The following SHE variants were observed in gnomAD, a reference collection of about 807,000 sequenced individuals.
The protein encoded by SHE is SH2 domain-containing adapter protein E.
Under a neutral mutation model 49.8 loss-of-function variants are expected in SHE, and 11 were observed. The ratio of observed to expected loss-of-function variants is 0.22; its 90% CI spans 0.14 to 0.37. SHE has a LOEUF of 0.37. SHE is among the 10% of genes least tolerant of loss of function. The pLI is 1.00. For synonymous variants in SHE, 310 were observed against 278.1 expected (o/e 1.11, Z -1.14); for missense variants, 624 against 655.5 (o/e 0.95, Z 0.52).
At position 154,489,194 on chromosome 1, in the gene SHE, T is replaced by C. The variant is rs774854528; in HGVS notation, c.881A>G (p.Tyr294Cys). 40 of 1,613,990 alleles carry C rather than the reference T, an allele frequency of 2.5e-5. No individual in the cohort carries two copies. The African/African-American group carries it at 4.3e-4, about 17-fold the overall frequency. Residue 294 changes from tyrosine to cysteine, a missense_variant, in exon 3 of 6, where the codon TAC (tyrosine) becomes TGC (cysteine). By Grantham distance (194) the Tyr-to-Cys change is radical. Transcript: ENST00000304760. ...GKPPQLYDTP[Y>C]EPAEGGPRAE... ...CCTGGGCCCCCCTTCTGCAGGCTCG[T>C]AGGGAGTGTCGTATAGCTGTGGCGG...
chr1:154,474,820 G>A (rs1258936768), downstream of SHE, among the ~76,000 whole-genome samples: 1 of 152,012 alleles, frequency 6.6e-6, no homozygotes, highest in Non-Finnish European at 1.5e-5. Context: ...TTTTACTGAT[G>A]GTATGGAAGC....
rs1296166148 is a variant in SHE, at chr1:154,481,597, T to C, written c.*2552A>G. ...GCACAAAGAAAAATTGTATAAAGCT[T>C]TTAGCATTTATTAAAATTAGAATAA... On this transcript the variant is annotated 3_prime_UTR_variant, in exon 6 of 6. Coordinates refer to ENST00000304760, the MANE Select transcript of SHE (RefSeq NM_001010846.3). 1.0e-6 allele frequency: 1 copy of C among 985,210 alleles called. No individual in the cohort carries two copies. The highest frequency in any genetic ancestry group is 1.2e-6 in the Non-Finnish European group (1 of 829,824). The allele number at this position is 985,210 out of a possible 1,614,324, so 61.0% of individuals were successfully genotyped here. A position where few individuals can be genotyped will look rare whatever the true frequency, so the allele number is the denominator to read the frequency against.
chr1:154,501,566 T>A lies in SHE; in HGVS notation c.461A>T (p.Glu154Val). The change falls in exon 1 of 6, where the codon GAG becomes GTG. Residue 154 changes from glutamate to valine, a missense_variant. This residue lies in a region of SHE where 337 missense variants were observed against 306.0 expected (regional missense o/e 1.10). Coordinates refer to ENST00000304760, the MANE Select transcript of SHE (RefSeq NM_001010846.3). ...INRLIKVDTQ[E>V]KNGKSNYPSS... ...GGGGTAGTTGCTCTTCCCGTTCTTCTCCTGAGTGTCCACCTTGATGAGCCT... is the reference window on the plus strand; with the variant it reads ...GGGGTAGTTGCTCTTCCCGTTCTTCACCTGAGTGTCCACCTTGATGAGCCT... 1 of 1,614,102 alleles carries A rather than the reference T, an allele frequency of 6.2e-7. No homozygotes were observed. The highest frequency in any genetic ancestry group is 8.5e-7 in the Non-Finnish European group (1 of 1,179,980).
chr1:154,490,849 A>T (rs939616622), intron 2 of SHE, among the ~76,000 whole-genome samples: 1 of 151,910 alleles, frequency 6.6e-6, no homozygotes, highest in Non-Finnish European at 1.5e-5. Flanking sequence ...ACTGGAAGGT[A>T]ACTCTAACCA....
chr1:154,485,817 AT>A, intron 5 of SHE, 125 bp downstream of exon 5: 1 of 1,165,644 alleles, frequency 8.6e-7, no homozygotes, highest in Non-Finnish European at 1.2e-6. Flanking sequence ...GTCCAAACAA[AT>A]GCCTCTTATT....
At position 154,489,110 on chromosome 1, in the gene SHE, G is replaced by A. The variant is rs750899996; in HGVS notation, c.965C>T (p.Ala322Val). ...SRLPENDERP[A>V]AEYEQPWEWK... ...CTCCCATGGCTGCTCGTACTCTGCC[G>A]CGGGCCTCTCGTCGTTCTCGGGCAG... is the stretch of plus-strand genomic sequence containing the variant. The change falls in exon 3 of 6, where the codon GCG (alanine) becomes GTG (valine). Residue 322 changes from alanine (A) to valine (V), a missense_variant. Physicochemically the swap from Ala to Val is moderately conservative, Grantham distance 64. This residue lies in a region of SHE where 155 missense variants were observed against 142.0 expected (regional missense o/e 1.09). Transcript: ENST00000304760. 5.5e-5 allele frequency: 88 copies of A among 1,612,938 alleles called. No homozygotes were observed. In the East Asian group the frequency reaches 1.3e-3, roughly 25 times the overall value.
At chr1:154,491,572 T>A (rs1692366224) in intron 2 of SHE, among the ~76,000 whole-genome samples, 1 of 152,246 alleles carries the variant, frequency 6.6e-6, no homozygotes, top group Admixed American at 6.5e-5. Context: ...TCCCACTGCA[T>A]CCATTTATAT....
Position 154,479,932 on chromosome 1 carries a change from G to GT in SHE, c.*4216dup. ...GTCATCATTTTCCCTTTTCTGGACTGTATCAGAAATCCTTCAGAAAGCCCT... is the reference window on the plus strand; with the variant it reads ...GTCATCATTTTCCCTTTTCTGGACTGTTATCAGAAATCCTTCAGAAAGCCCT... On this transcript the variant is annotated 3_prime_UTR_variant, in exon 6 of 6. Coordinates refer to ENST00000304760, the MANE Select transcript of SHE (RefSeq NM_001010846.3). The GT allele has an allele frequency of 1.0e-6, 1 of 985,416 alleles. No individual in the cohort carries two copies. The highest frequency in any genetic ancestry group is 1.2e-6 in the Non-Finnish European group (1 of 829,922). 61.0% of individuals were successfully genotyped at this position (985,416 alleles called of 1,614,324 possible).
At chr1:154,494,955 G>A (rs948386516) in intron 2 of SHE, among the ~76,000 whole-genome samples, 9 of 152,348 alleles carry the variant, frequency 5.9e-5, no homozygotes, top group South Asian at 2.1e-4. Flanking sequence ...GGGAGGCTGA[G>A]GCAGGAGAAT....
chr1:154,499,272 GC>G (rs1692634299), intron 1 of SHE, 34 bp from the exon 2 acceptor site: 1 of 1,596,042 alleles, frequency 6.3e-7, no homozygotes, highest in African/African-American at 1.3e-5. Flanking sequence ...GTTGCTAAGG[GC>G]CACCGTATAC....
chr1:154,479,384 C>T (rs1270052661), downstream of SHE: 1 of 459,216 alleles, frequency 2.2e-6, no homozygotes, highest in Non-Finnish European at 2.9e-6. Context: ...TTAATGGTGA[C>T]TGCAAATGAA....
At position 154,501,780 on chromosome 1, in the gene SHE, T is replaced by G. The variant is rs965986284; in HGVS notation, c.247A>C (p.Lys83Gln). Residue 83 changes from lysine to glutamine, a missense_variant, in exon 1 of 6, where the codon AAG becomes CAG. Lys to Gln is a moderately conservative substitution (Grantham distance 53). Transcript: ENST00000304760. ...CTCCCCAGCTCGGCCGCCGAGTTCT[T>G]GCGGCCCTTGCCAGGACCCGGCCCA... The part of the protein sequence containing the change: ...GAGPGPGKGR[K>Q]NSAAELGSGR... The G allele has an allele frequency of 6.4e-7, 1 of 1,562,090 alleles. No homozygotes were observed. The highest frequency in any genetic ancestry group is 1.8e-5 in the Admixed American group (1 of 54,504).
At position 154,480,809 on chromosome 1, in the gene SHE, T is replaced by C. The variant is rs1225081690; in HGVS notation, c.*3340A>G. 1 of 985,338 alleles carries C rather than the reference T, an allele frequency of 1.0e-6. No individual in the cohort carries two copies. The highest frequency in any genetic ancestry group is 1.7e-5 in the African/African-American group (1 of 57,240). The allele number at this position is 985,338 out of a possible 1,614,324, so 61.0% of individuals were successfully genotyped here. On this transcript the variant is annotated 3_prime_UTR_variant, in exon 6 of 6. Transcript: ENST00000304760. The stretch of plus-strand genomic sequence containing the variant: ...AAGGCCAGTGGTTTGCAGGCCATCC[T>C]GAGATACAACTATGGTATCAAAGTA...
chr1:154,494,844 G>A (rs1201673464), intron 2 of SHE, among the ~76,000 whole-genome samples: 1 of 152,184 alleles, frequency 6.6e-6, no homozygotes, highest in East Asian at 1.9e-4. Context: ...TTGAGGCCAG[G>A]AGTTCGAGAC....
At chr1:154,476,149 C>T (rs1446852992), downstream of SHE, among the ~76,000 whole-genome samples, 2 of 152,128 alleles carry the variant, frequency 1.3e-5, no homozygotes, top group African/African-American at 4.8e-5. Context: ...AGTTCGAGAT[C>T]AGCCTAAGCA....
Position 154,482,692 on chromosome 1 carries a change from T to A in SHE, c.*1457A>T. On this transcript the variant is annotated 3_prime_UTR_variant, in exon 6 of 6. Coordinates refer to ENST00000304760, the MANE Select transcript of SHE (RefSeq NM_001010846.3). ...TTCTCACAGTATGCCATTCCCATGG[T>A]TTTTTTCACAGTAAATAAACTGGTG... is the stretch of plus-strand genomic sequence containing the variant. 1.0e-6 allele frequency: 1 copy of A among 985,396 alleles called. No individual in the cohort carries two copies. The highest frequency in any genetic ancestry group is 4.7e-5 in the South Asian group (1 of 21,280). The allele number at this position is 985,396 out of a possible 1,614,324, so 61.0% of individuals were successfully genotyped here.
chr1:154,493,167 G>A (rs1692419853), intron 2 of SHE, among the ~76,000 whole-genome samples: 1 of 152,138 alleles, frequency 6.6e-6, no homozygotes, highest in South Asian at 2.1e-4. Context: ...TTTCTTGCAG[G>A]GTCCTGGGAT....
rs1372037674 is a variant in SHE at position 154,482,724 on chromosome 1, G to A, written c.*1425C>T. 4.1e-6 allele frequency: 4 copies of A among 985,162 alleles called. No homozygotes were observed. The highest frequency in any genetic ancestry group is 6.2e-5 in the Admixed American group (1 of 16,254). The allele number at this position is 985,162 out of a possible 1,614,324, so 61.0% of individuals were successfully genotyped here. ...CACAGTAAATAAACTGGTGATATAA[G>A]CTCATGATAAATCATAAAGATCCTA... is the stretch of plus-strand genomic sequence containing the variant. On this transcript the variant is annotated 3_prime_UTR_variant, in exon 6 of 6. Coordinates refer to ENST00000304760, the MANE Select transcript of SHE (RefSeq NM_001010846.3).
At chr1:154,497,100 T>A (rs1209439338) in intron 2 of SHE, among the ~76,000 whole-genome samples, 1 of 152,168 alleles carries the variant, frequency 6.6e-6, no homozygotes, top group East Asian at 1.9e-4. Context: ...ACCTTCAGGG[T>A]CACAGCCTGG....
Sources: gnomAD v4.1 joint callset for allele counts (sites outside exome capture counted in the v4.1 genomes callset) on GRCh38, gnomAD v4.1.1 for gene constraint, gnomAD v4.1.1 regional missense constraint, MANE v1.5 for transcripts, NCBI Gene and HGNC (gene_info 2026-07-23, HGNC 2026-07-21) for gene names.